The following PTPRJ variants were observed in gnomAD, a reference collection of about 807,000 sequenced individuals.
The protein encoded by PTPRJ is receptor-type tyrosine-protein phosphatase eta.
A neutral mutation model predicts 141.3 loss-of-function variants in PTPRJ; 129 were observed. That is an observed-to-expected ratio of 0.91 (90% CI 0.79 to 1.06). PTPRJ has a LOEUF of 1.06. Among genes scored for constraint, PTPRJ ranks in the 50% least tolerant of loss-of-function variants. PTPRJ has a pLI of 0.00. For missense variants in PTPRJ, 1,601 were observed against 1,679.7 expected (o/e 0.95, Z 0.82); for synonymous variants, 610 against 640.5 (o/e 0.95, Z 0.72).
intron 1 of PTPRJ, among the ~76,000 whole-genome samples, chr11:48,087,547 G>A (rs569802350): frequency 2.0e-5 from 3 of 152,302 alleles, no homozygotes; most frequent in South Asian, 4.1e-4. Context: ...AAGTGACAGG[G>A]CTGGAAGGGA....
intron 1 of PTPRJ, among the ~76,000 whole-genome samples, chr11:48,050,514 A>T (rs1019476274): frequency 1.3e-5 from 2 of 152,148 alleles, no homozygotes; most frequent in South Asian, 2.1e-4. Flanking sequence ...CCTCAATTCA[A>T]TATGTATAGT....
chr11:48,149,555 A>C, intron 16 of PTPRJ, 67 bp downstream of exon 16: 1 of 1,090,264 alleles, frequency 9.2e-7, no homozygotes, highest in South Asian at 1.5e-5. Flanking sequence ...TCTATAAATA[A>C]TTTTTGATGG....
chr11:48,150,185 T>A lies in PTPRJ; in HGVS notation c.3138+2T>A. On this transcript the variant is annotated splice_donor_variant, in intron 18 of 24. Transcript: ENST00000418331. LOFTEE classifies it high-confidence loss of function. ...TGTGGGTTCGCAGAGGAATACGAAG[T>A]ATGTTGCTGTAAATACTGTTTTTAA... 6.2e-7 allele frequency: 1 copy of A among 1,612,442 alleles called. No individual in the cohort carries two copies. Among genetic ancestry groups the A allele is most frequent in the Non-Finnish European group, 8.5e-7 (1 of 1,178,762 alleles).
rs1857273441 is a variant in PTPRJ, at chr11:48,143,084, T to C, written c.2575+34T>C. 4.3e-6 allele frequency: 7 copies of C among 1,612,436 alleles called. No individual in the cohort carries two copies. In the Middle Eastern group the frequency reaches 5.2e-4, roughly 119 times the overall value. Reference sequence around the variant, plus strand: ...AGGCCTCCGTGGGTTAAACAGCCCATGAGTGATGCAGTGACCAGAGCTTTC... The same window carrying C: ...AGGCCTCCGTGGGTTAAACAGCCCACGAGTGATGCAGTGACCAGAGCTTTC... On this transcript the variant is annotated intron_variant, in intron 12 of 24. Coordinates refer to ENST00000418331, the MANE Select transcript of PTPRJ (RefSeq NM_002843.4).
At position 48,151,617 on chromosome 11, in the gene PTPRJ, G is replaced by T. The variant is rs1590561981; in HGVS notation, c.3138+1434G>T. 2.4e-5 allele frequency among the ~76,000 whole-genome samples: 3 copies of T among 124,500 alleles called. No homozygotes were observed. In the Admixed American group the frequency reaches 2.8e-4, roughly 12 times the overall value. 81.7% of individuals were successfully genotyped at this position (124,500 alleles called of 152,430 possible). ...TATCCCTCCCCCCACCCCATGACAG[G>T]CCCCGGTGTGTGATGTTCCCCTCCC... On this transcript the variant is annotated intron_variant, in intron 18 of 24. Coordinates refer to ENST00000418331, the MANE Select transcript of PTPRJ (RefSeq NM_002843.4).
chr11:48,023,793 A>AATAC (rs1443975416), intron 1 of PTPRJ, among the ~76,000 whole-genome samples: 2 of 138,068 alleles, frequency 1.4e-5, no homozygotes, highest in East Asian at 3.9e-4. Context: ...AAAATAAATA[A>AATAC]ATAAATAAAT....
intron 1 of PTPRJ, among the ~76,000 whole-genome samples, chr11:47,988,206 G>C (rs1004508089): frequency 1.3e-5 from 2 of 152,148 alleles, no homozygotes; most frequent in East Asian, 1.9e-4. Flanking sequence ...TCTTTCTTGG[G>C]GGGGAAAAGA....
chr11:48,124,078 A>T (rs1856777952), intron 5 of PTPRJ, among the ~76,000 whole-genome samples: 1 of 152,222 alleles, frequency 6.6e-6, no homozygotes, highest in African/African-American at 2.4e-5. Context: ...GGGGCTGAGA[A>T]CAGCAATAGG....
chr11:48,084,562 T>C (rs968237438), intron 1 of PTPRJ, among the ~76,000 whole-genome samples: 6 of 152,228 alleles, frequency 3.9e-5, no homozygotes, highest in African/African-American at 1.4e-4. Context: ...TGCTTAGTTC[T>C]GATTGGCTGA....
chr11:48,138,636 T>C (rs1857159442), intron 10 of PTPRJ, among the ~76,000 whole-genome samples: 1 of 152,168 alleles, frequency 6.6e-6, no homozygotes, highest in East Asian at 1.9e-4. Flanking sequence ...ATTTTGAAGA[T>C]GAGGAAACTG....
At chr11:48,048,977 G>A (rs1854480764) in intron 1 of PTPRJ, among the ~76,000 whole-genome samples, 1 of 152,198 alleles carries the variant, frequency 6.6e-6, no homozygotes. Context: ...CTGGAGGGCT[G>A]TGTGGCACCC....
intron 3 of PTPRJ, among the ~76,000 whole-genome samples, chr11:48,116,499 C>T (rs1355086919): frequency 2.6e-5 from 4 of 152,214 alleles, no homozygotes; most frequent in Admixed American, 2.6e-4. Flanking sequence ...CACCTTACTT[C>T]CAGCAATGGA....
At chr11:48,106,971 G>T (rs181749102) in intron 1 of PTPRJ, among the ~76,000 whole-genome samples, 1 of 151,830 alleles carries the variant, frequency 6.6e-6, no homozygotes, top group African/African-American at 2.4e-5. Context: ...GTTTCACCAT[G>T]TTGGCCAGGC....
At chr11:48,046,912 ATTTTTTTT>A (rs1217187387) in intron 1 of PTPRJ, among the ~76,000 whole-genome samples, 1 of 74,168 alleles carries the variant, frequency 1.3e-5, no homozygotes, top group South Asian at 4.1e-4. Flanking sequence ...ATATATATAT[ATTTTTTTT>A]TTTTTTTTTT....
In PTPRJ at chr11:48,093,229, T is replaced by C. The variant is rs1590492963; in HGVS notation, c.97-16829T>C. Among the ~76,000 whole-genome samples, 3 of 152,234 alleles carry C rather than the reference T, an allele frequency of 2.0e-5. 1 individual carries two copies. The South Asian group carries it at 6.2e-4, about 31-fold the overall frequency. On this transcript the variant is annotated intron_variant, in intron 1 of 24. Coordinates refer to ENST00000418331, the MANE Select transcript of PTPRJ (RefSeq NM_002843.4). Reference sequence around the variant, plus strand: ...CTTGTCTGTCCTGGTATCAAAGTTATATTGGCTTCATAGAATGAGGGAAAT... The same window carrying C: ...CTTGTCTGTCCTGGTATCAAAGTTACATTGGCTTCATAGAATGAGGGAAAT...
rs762125208 is a variant in PTPRJ at position 48,098,517 on chromosome 11, C to CT, written c.97-11520dup. Among the ~76,000 whole-genome samples the CT allele has an allele frequency of 7.3e-3, 265 of 36,360 alleles. 81 individuals carry two copies. Among genetic ancestry groups the CT allele is most frequent in the Non-Finnish European group, 0.012 (164 of 13,564 alleles). 23.9% of individuals were successfully genotyped at this position (36,360 alleles called of 152,430 possible). On this transcript the variant is annotated intron_variant, in intron 1 of 24. Coordinates refer to ENST00000418331, the MANE Select transcript of PTPRJ (RefSeq NM_002843.4). ...ACCCACATTTCAAATCATTTTATCT[C>CT]TTTTTTTTTTTTTTTTTTTTTGAGA...
chr11:47,981,459 C>T (rs926675149), intron 1 of PTPRJ, among the ~76,000 whole-genome samples: 2 of 151,966 alleles, frequency 1.3e-5, no homozygotes, highest in African/African-American at 2.4e-5. Context: ...GCCCGAGGGG[C>T]GGCGGGGGCG....
intron 1 of PTPRJ, among the ~76,000 whole-genome samples, chr11:47,997,164 G>A (rs1377163414): frequency 6.6e-6 from 1 of 152,320 alleles, no homozygotes; most frequent in South Asian, 2.1e-4. Context: ...AGCCTCCCTG[G>A]CCTCTGCCTG....
intron 1 of PTPRJ, among the ~76,000 whole-genome samples, chr11:48,079,626 A>C (rs1404398213): frequency 6.6e-6 from 1 of 152,034 alleles, no homozygotes; most frequent in Non-Finnish European, 1.5e-5. Context: ...AGAAGGTAGG[A>C]GGGCAGAGGA....
Sources: allele counts gnomAD v4.1 joint callset (sites outside exome capture counted in the v4.1 genomes callset), GRCh38; gene constraint gnomAD v4.1.1; transcripts MANE v1.5; gene names NCBI Gene and HGNC (gene_info 2026-07-23, HGNC 2026-07-21).